Variants in ZFHX3 observed in about 807,000 individuals in gnomAD.
ZFHX3 encodes zinc finger homeobox 3.
ZFHX3 carries 42 observed loss-of-function variants against 279.1 expected under a neutral mutation model. The ratio of observed to expected loss-of-function variants is 0.15; its 90% confidence interval spans 0.12 to 0.19. The LOEUF is 0.19. ZFHX3 is among the 10% of genes least tolerant of loss of function. The probability of loss-of-function intolerance (pLI) is 1.00; values close to 1 mark genes in which losing one functional copy is unlikely to be tolerated. For missense variants in ZFHX3, 4,981 were observed against 4,754.0 expected (o/e 1.05, Z -1.40); for synonymous variants, 2,293 against 1,957.8 (o/e 1.17, Z -4.52).
chr16:72,808,481 A>G (rs1248468247), intron 7 of ZFHX3, among the ~76,000 whole-genome samples: 1 of 152,260 alleles, frequency 6.6e-6, no homozygotes, highest in Admixed American at 6.5e-5. Context: ...TCATCCTTGC[A>G]TATACATCTT....
chr16:73,391,746 A>G (rs2017016785), intron 3 of ZFHX3, among the ~76,000 whole-genome samples: 1 of 152,220 alleles, frequency 6.6e-6, no homozygotes, highest in South Asian at 2.1e-4. Context: ...GAGATCAACC[A>G]GTGCCAAGGG....
At position 73,258,361 on chromosome 16, in the gene ZFHX3, GT is replaced by G. The variant is rs2013719346; in HGVS notation, c.-1193-1226del. 1.6e-5 allele frequency among the ~76,000 whole-genome samples: 2 copies of G among 127,052 alleles called. 1 individual carries two copies. Among genetic ancestry groups the G allele is most frequent in the African/African-American group, 6.6e-5 (2 of 30,156 alleles). The allele number at this position is 127,052 out of a possible 152,430, so 83.4% of individuals were successfully genotyped here. On this transcript the variant is annotated intron_variant, in intron 4 of 17. Coordinates refer to the ZFHX3 transcript ENST00000641206. ...GACATATATATATATATATATATTT[GT>G]TTTCTGAGACAGGGTCTCGCTCTGT...
In ZFHX3 at chr16:72,797,675, G is replaced by A. The variant is rs376262884; in HGVS notation, c.5007C>T (p.Ser1669=). 4.3e-6 allele frequency: 7 copies of A among 1,614,070 alleles called. No homozygotes were observed. In the African/African-American group the frequency reaches 9.3e-5, roughly 22 times the overall value. ...TAGAGCTTGGAGCAATGCCAGCACTGCTTGGATTGGAGGTGGTAAAGGTGT... is the reference window on the plus strand; with the variant it reads ...TAGAGCTTGGAGCAATGCCAGCACTACTTGGATTGGAGGTGGTAAAGGTGT... ...GSNTFTTSNP[S]SAGIAPSSNL... Residue 1669 remains serine (S), a synonymous_variant, in exon 9 of 10, where the codon AGC becomes AGT. Transcript: ENST00000268489.
chr16:73,104,526 A>G (rs1259046482), intron 7 of ZFHX3, among the ~76,000 whole-genome samples: 1 of 152,156 alleles, frequency 6.6e-6, no homozygotes, highest in Non-Finnish European at 1.5e-5. Context: ...CACCATGCCC[A>G]GCCTCCTGTG....
intron 4 of ZFHX3, among the ~76,000 whole-genome samples, chr16:72,884,289 C>T (rs1054316298): frequency 9.9e-5 from 15 of 152,148 alleles, no homozygotes; most frequent in South Asian, 4.1e-4. Flanking sequence ...CCCAGAAATT[C>T]GCTACTATGA....
At position 72,959,054 on chromosome 16, in the gene ZFHX3, A is replaced by G. The variant is rs112347296; in HGVS notation, c.1092T>C (p.Phe364=). ...TTCGAATGCCACTAAATTTACCATA[A>G]AAACTGTGTCCGGGGCCTATGAGGT... The part of the protein sequence containing the change: ...TANLIGPGHS[F]YGKFSGIRME... The change falls in exon 2 of 10, where the codon TTT becomes TTC. Residue 364 remains phenylalanine, a synonymous_variant. Transcript: ENST00000268489. The G allele has an allele frequency of 6.1e-5, 98 of 1,613,970 alleles. 2 individuals are homozygous for G. The African/African-American group carries it at 7.7e-4, about 13-fold the overall frequency.
chr16:73,885,397 C>T (rs1230922340), intron 1 of ZFHX3, among the ~76,000 whole-genome samples: 17 of 152,138 alleles, frequency 1.1e-4, no homozygotes, highest in Admixed American at 1.1e-3. Flanking sequence ...CAAAAACTAG[C>T]TGCGCTGTGG....
At chr16:73,413,993 G>C (rs139575529) in intron 3 of ZFHX3, among the ~76,000 whole-genome samples, 1 of 152,188 alleles carries the variant, frequency 6.6e-6, no homozygotes, top group African/African-American at 2.4e-5. Flanking sequence ...CCATACAAAT[G>C]ATCAAAGGCC....
chr16:73,627,623 G>C (rs992411264), intron 2 of ZFHX3, among the ~76,000 whole-genome samples: 6 of 152,166 alleles, frequency 3.9e-5, no homozygotes, highest in Admixed American at 1.3e-4. Flanking sequence ...CGTGCTTTAA[G>C]AAAACAGCTG....
In ZFHX3 at chr16:73,619,270, T is replaced by C. The variant is rs1465800594; in HGVS notation, c.-1547+60910A>G. Among the ~76,000 whole-genome samples the C allele has an allele frequency of 2.6e-5, 4 of 151,686 alleles. No individual in the cohort carries two copies. The East Asian group carries it at 5.8e-4, about 22-fold the overall frequency. ...TCGGGAGGCTGAGGCAGGTGGATCATGAGGTCAGGAGATCGAGACCATCCT... is the reference window on the plus strand; with the variant it reads ...TCGGGAGGCTGAGGCAGGTGGATCACGAGGTCAGGAGATCGAGACCATCCT... On this transcript the variant is annotated intron_variant, in intron 2 of 17. Transcript: ENST00000641206.
At chr16:73,405,146 T>C (rs1420690148) in intron 3 of ZFHX3, among the ~76,000 whole-genome samples, 1 of 152,196 alleles carries the variant, frequency 6.6e-6, no homozygotes, top group African/African-American at 2.4e-5. Context: ...CCATCAGTGT[T>C]GTTCTGAGCA....
At chr16:73,474,103 T>C (rs975981405) in intron 2 of ZFHX3, among the ~76,000 whole-genome samples, 1 of 152,088 alleles carries the variant, frequency 6.6e-6, no homozygotes, top group South Asian at 2.1e-4. Context: ...CAAAGGAAAT[T>C]CTTTGGGGTC....
At chr16:73,658,324 T>A (rs2052743308) in intron 2 of ZFHX3, among the ~76,000 whole-genome samples, 1 of 152,172 alleles carries the variant, frequency 6.6e-6, no homozygotes, top group South Asian at 2.1e-4. Flanking sequence ...AACTTTTTTT[T>A]AAATGGGGTC....
chr16:73,160,514 T>C (rs61706405), intron 5 of ZFHX3, among the ~76,000 whole-genome samples: 6,200 of 151,094 alleles, frequency 0.041, 388 homozygotes, highest in African/African-American at 0.14. Flanking sequence ...TTCTGTCCCC[T>C]TTTTTTTTCC....
chr16:73,209,243 G>T (rs1251306334), intron 5 of ZFHX3, among the ~76,000 whole-genome samples: 1 of 152,160 alleles, frequency 6.6e-6, no homozygotes, highest in Non-Finnish European at 1.5e-5. Context: ...CAGTGAAAAT[G>T]ATTGTATTTC....
chr16:73,324,731 CTG>C (rs2015646209), intron 3 of ZFHX3, among the ~76,000 whole-genome samples: 3 of 152,148 alleles, frequency 2.0e-5, no homozygotes, highest in Admixed American at 1.3e-4. Context: ...CACCTGAACT[CTG>C]TGATTTCAGG....
chr16:73,041,078 C>G (rs1965094267), intron 1 of ZFHX3, among the ~76,000 whole-genome samples: 1 of 152,180 alleles, frequency 6.6e-6, no homozygotes, highest in Non-Finnish European at 1.5e-5. Flanking sequence ...GTTGAGTCCC[C>G]ATTTGAAGGG....
At chr16:73,808,867 G>T (rs1960353823) in intron 1 of ZFHX3, among the ~76,000 whole-genome samples, 1 of 152,138 alleles carries the variant, frequency 6.6e-6, no homozygotes, top group Admixed American at 6.5e-5. Flanking sequence ...CCTTAGGATA[G>T]AAACTGCTGG....
intron 2 of ZFHX3, among the ~76,000 whole-genome samples, chr16:73,630,083 G>C (rs887730620): frequency 6.6e-6 from 1 of 151,968 alleles, no homozygotes; most frequent in South Asian, 2.1e-4. Context: ...GTCTAGACAG[G>C]TGTCATGATA....
Sources: allele counts gnomAD v4.1 joint callset (sites outside exome capture counted in the v4.1 genomes callset), GRCh38; gene constraint gnomAD v4.1.1; transcripts MANE v1.5; gene names NCBI Gene and HGNC (gene_info 2026-07-23, HGNC 2026-07-21).